The following MICAL2 variants were observed in gnomAD, a reference collection of about 807,000 sequenced individuals.
MICAL2 encodes microtubule associated monooxygenase, calponin and LIM domain containing 2.
MICAL2 carries 77 observed loss-of-function variants against 127.3 expected under a neutral mutation model. That is an observed-to-expected ratio of 0.60 (90% CI 0.50 to 0.73). MICAL2 has a LOEUF of 0.73. Among genes scored for constraint, MICAL2 ranks in the 30% least tolerant of loss-of-function variants. The pLI is 0.00. For missense variants in MICAL2, 1,351 were observed against 1,434.4 expected, an observed-to-expected ratio of 0.94 and a Z score of 0.94; for synonymous variants, 570 against 551.1, an observed-to-expected ratio of 1.03 and a Z score of -0.48.
intron 3 of MICAL2, among the ~76,000 whole-genome samples, chr11:12,176,814 C>CT (rs1856893101): frequency 6.6e-6 from 1 of 152,148 alleles, no homozygotes; most frequent in South Asian, 2.1e-4. Context: ...GAATTTCCTT[C>CT]TTTTTTATGG....
At chr11:12,285,496 C>G (rs1477671171) in intron 2 of MICAL2, among the ~76,000 whole-genome samples, 6 of 152,164 alleles carry the variant, frequency 3.9e-5, no homozygotes. Flanking sequence ...AAACTAAGTT[C>G]CTCCCAAAGT....
downstream of MICAL2, among the ~76,000 whole-genome samples, chr11:12,360,108 CTTTT>C (rs749473057): frequency 0.052 from 7,379 of 143,160 alleles, 282 homozygotes; most frequent in Non-Finnish European, 0.072. Flanking sequence ...TCCTTCCTTC[CTTTT>C]TTTTTTTAAA....
At chr11:12,289,659 C>G (rs757933827), downstream of MICAL2, among the ~76,000 whole-genome samples, 6 of 150,826 alleles carry the variant, frequency 4.0e-5, no homozygotes, top group Admixed American at 6.6e-5. Context: ...ATCTCCGCCT[C>G]CCAGGTTCAA....
intron 32 of MICAL2, among the ~76,000 whole-genome samples, chr11:12,337,119 C>T (rs1384822128): frequency 1.3e-5 from 2 of 152,284 alleles, no homozygotes; most frequent in East Asian, 3.9e-4. Context: ...TAATTATTGC[C>T]TCAATTTCAG....
chr11:12,298,154 T>A (rs1864008567), intron 29 of MICAL2, among the ~76,000 whole-genome samples: 2 of 152,122 alleles, frequency 1.3e-5, no homozygotes, highest in South Asian at 4.1e-4. Context: ...ATCTTTCCAT[T>A]TGTTCATGTC....
At chr11:12,345,136 A>T (rs954264211) in intron 32 of MICAL2, among the ~76,000 whole-genome samples, 18 of 151,846 alleles carry the variant, frequency 1.2e-4, no homozygotes, top group Admixed American at 3.9e-4. Context: ...AAGAAAAAAG[A>T]AAGAAAGAAA....
chr11:12,162,456 C>T (rs1217748718), intron 3 of MICAL2, 37 bp downstream of exon 3: 9 of 1,606,746 alleles, frequency 5.6e-6, no homozygotes, highest in Admixed American at 1.7e-5. Flanking sequence ...CTTTGCAGGG[C>T]GTGTGGGTTG....
At chr11:12,288,437 G>T (rs892447547), downstream of MICAL2, among the ~76,000 whole-genome samples, 1 of 152,208 alleles carries the variant, frequency 6.6e-6, no homozygotes, top group African/African-American at 2.4e-5. Context: ...GAGGCTGGTG[G>T]GAGACCCTCC....
At chr11:12,192,334 A>G (rs1859298318) in intron 3 of MICAL2, among the ~76,000 whole-genome samples, 1 of 152,146 alleles carries the variant, frequency 6.6e-6, no homozygotes, top group African/African-American at 2.4e-5. Flanking sequence ...ACCACCTTGG[A>G]GATACCCCAA....
chr11:12,268,243 G>A (rs757153644), downstream of MICAL2, among the ~76,000 whole-genome samples: 7 of 152,182 alleles, frequency 4.6e-5, no homozygotes, highest in Non-Finnish European at 1.0e-4. Flanking sequence ...TTTTGATTTT[G>A]CTTCTATTTT....
At chr11:12,265,699 A>G (rs1206886020), downstream of MICAL2, among the ~76,000 whole-genome samples, 1 of 152,244 alleles carries the variant, frequency 6.6e-6, no homozygotes, top group Non-Finnish European at 1.5e-5. Flanking sequence ...GTCAATGATA[A>G]ATAGGCAAAG....
At chr11:12,143,957 G>A (rs906338724) in intron 2 of MICAL2, among the ~76,000 whole-genome samples, 6 of 152,086 alleles carry the variant, frequency 3.9e-5, no homozygotes, top group African/African-American at 1.4e-4. Flanking sequence ...GAGAGAGAGA[G>A]AGAGCGCCAG....
intron 21 of MICAL2, among the ~76,000 whole-genome samples, chr11:12,248,498 T>C (rs1250427469): frequency 6.6e-6 from 1 of 152,236 alleles, no homozygotes; most frequent in Non-Finnish European, 1.5e-5. Context: ...CGTTGAGCTC[T>C]TGCAGGAACA....
intron 34 of MICAL2, among the ~76,000 whole-genome samples, chr11:12,357,968 G>A (rs1051227600): frequency 6.6e-6 from 1 of 152,100 alleles, no homozygotes; most frequent in Non-Finnish European, 1.5e-5. Flanking sequence ...CGCCTTTTTT[G>A]TTGTTTTGTT....
At chr11:12,273,981 C>A (rs944343813), upstream of MICAL2, among the ~76,000 whole-genome samples, 2 of 151,962 alleles carry the variant, frequency 1.3e-5, no homozygotes, top group Non-Finnish European at 2.9e-5. Flanking sequence ...TGTAGCCAAC[C>A]CTTCCAGGAA....
At chr11:12,331,441 A>G (rs1362748762) in intron 32 of MICAL2, among the ~76,000 whole-genome samples, 1 of 152,182 alleles carries the variant, frequency 6.6e-6, no homozygotes, top group Non-Finnish European at 1.5e-5. Flanking sequence ...TGAGGGGTTT[A>G]CCAAGAAAAA....
rs374940777 is a variant in MICAL2 at position 12,283,561 on chromosome 11, G to A, written c.254+2462G>A. 3.9e-5 allele frequency among the ~76,000 whole-genome samples: 6 copies of A among 152,284 alleles called. No individual in the cohort carries two copies. The East Asian group carries it at 5.8e-4, about 15-fold the overall frequency. On this transcript the variant is annotated intron_variant, in intron 2 of 2. Transcript: ENST00000529028. ...TGAACCTGCAAAGCATGCTGCTAAG[G>A]GAAATAAGCCAGTCATAAAAGGACA...
At chr11:12,169,243 A>G (rs895008219) in intron 3 of MICAL2, among the ~76,000 whole-genome samples, 10 of 151,048 alleles carry the variant, frequency 6.6e-5, no homozygotes, top group Non-Finnish European at 1.3e-4. Flanking sequence ...ATTTTTTTCT[A>G]CACTGGTTCT....
intron 1 of MICAL2, among the ~76,000 whole-genome samples, chr11:12,124,389 C>A (rs1235097321): frequency 1.3e-5 from 2 of 152,150 alleles, no homozygotes; most frequent in Non-Finnish European, 2.9e-5. Context: ...ACCTAAGACG[C>A]CTTTCTGAAG....
Sources: allele counts gnomAD v4.1 joint callset (sites outside exome capture counted in the v4.1 genomes callset), GRCh38; gene constraint gnomAD v4.1.1; transcripts MANE v1.5; gene names NCBI Gene and HGNC (gene_info 2026-07-23, HGNC 2026-07-21).